The following ANKRD12 variants were observed in gnomAD, a reference collection of about 807,000 sequenced individuals.
ANKRD12 encodes the protein ankyrin repeat domain-containing protein 12.
ANKRD12 carries 85 observed loss-of-function variants against 183.4 expected under a neutral mutation model. The ratio of observed to expected loss-of-function variants is 0.46; its 90% CI spans 0.39 to 0.56. The LOEUF is 0.56. Ranked by LOEUF, ANKRD12 falls within the 20% of genes least tolerant of loss-of-function variation. ANKRD12 has a pLI of 0.00. For missense variants in ANKRD12, 2,405 were observed against 2,357.1 expected, an observed-to-expected ratio of 1.02 and a Z score of -0.42; for synonymous variants, 914 against 800.2, an observed-to-expected ratio of 1.14 and a Z score of -2.40.
intron 8 of ANKRD12, among the ~76,000 whole-genome samples, chr18:9,253,803 G>A (rs1184788609): frequency 2.0e-5 from 3 of 152,158 alleles, no homozygotes; most frequent in Admixed American, 6.5e-5. Context: ...AGAACAGTTT[G>A]GAGGTTCTCC....
Position 9,255,892 on chromosome 18 carries a change from G to A in ANKRD12, c.2625G>A (p.Ser875=), listed in dbSNP as rs752259363. The A allele has an allele frequency of 5.5e-5, 88 of 1,593,966 alleles. No individual in the cohort carries two copies. In the South Asian group the frequency reaches 9.6e-4, roughly 17 times the overall value. Residue 875 remains serine, a synonymous_variant, in exon 9 of 13, where the codon TCG becomes TCA. Coordinates refer to ENST00000262126, the MANE Select transcript of ANKRD12 (RefSeq NM_015208.5). ...TAAAAGAAAAGGACAAGCTATATTC[G>A]CATCACACAGAAAAATGCCATAAAG... ...DKIKEKDKLY[S]HHTEKCHKEG... is the part of the protein sequence containing the mutation.
At chr18:9,271,961 C>T (rs1361666579) in intron 10 of ANKRD12, among the ~76,000 whole-genome samples, 1 of 152,122 alleles carries the variant, frequency 6.6e-6, no homozygotes, top group South Asian at 2.1e-4. Context: ...GTCATTTTCC[C>T]CACAGAAAAT....
At chr18:9,203,659 C>T (rs1171080938) in intron 3 of ANKRD12, among the ~76,000 whole-genome samples, 1 of 151,970 alleles carries the variant, frequency 6.6e-6, no homozygotes, top group Non-Finnish European at 1.5e-5. Flanking sequence ...GGCTGGAGTA[C>T]AATGGCATGA....
In ANKRD12 at chr18:9,254,681, G is replaced by A; in HGVS notation, c.1414G>A (p.Val472Ile). The A allele has an allele frequency of 1.3e-6, 2 of 1,521,330 alleles. No individual in the cohort carries two copies. Among genetic ancestry groups the A allele is most frequent in the Non-Finnish European group, 1.8e-6 (2 of 1,136,738 alleles). The allele number at this position is 1,521,330 out of a possible 1,614,324, so 94.2% of individuals were successfully genotyped here. A position where few individuals can be genotyped will look rare whatever the true frequency, so the allele number is the denominator to read the frequency against. ...AGGTGAACACAAACAGAAAGGCAAA[G>A]TTAAAAGAAAATTGAAAAATCAGAA... ...VSGEHKQKGK[V>I]KRKLKNQNKN... The change falls in exon 9 of 13, where the codon GTT becomes ATT. Residue 472 changes from valine (V) to isoleucine (I), a missense_variant. Val to Ile is a conservative substitution (Grantham distance 29). Coordinates refer to ENST00000262126, the MANE Select transcript of ANKRD12 (RefSeq NM_015208.5).
intron 9 of ANKRD12, among the ~76,000 whole-genome samples, chr18:9,261,173 C>A (rs1765434062): frequency 6.6e-6 from 1 of 152,194 alleles, no homozygotes; most frequent in South Asian, 2.1e-4. Context: ...GGTGTCTGTT[C>A]ACACAGAGCA....
chr18:9,280,942 C>G lies in ANKRD12; in HGVS notation c.6005C>G (p.Thr2002Ser). The change falls in exon 13 of 13, where the codon ACC becomes AGC. Residue 2002 changes from threonine to serine, a missense_variant and splice_region_variant. By Grantham distance (58) the Thr-to-Ser change is moderately conservative (BLOSUM62 1). This residue lies in a region of ANKRD12 where 162 missense variants were observed against 272.2 expected (regional missense o/e 0.60). Transcript: ENST00000262126. ...DVDDKFDKLKTCLLMRQQHEA... is the reference protein window; with the variant it reads ...DVDDKFDKLKSCLLMRQQHEA... ...TAACTCTTCTCTTCTTTTAAATAGA[C>G]CTGTCTTTTAATGAGGCAACAACAT... 6.2e-7 allele frequency: 1 copy of G among 1,608,208 alleles called. No homozygotes were observed. The highest frequency in any genetic ancestry group is 8.5e-7 in the Non-Finnish European group (1 of 1,178,528).
chr18:9,232,949 AG>A (rs1191131574), intron 8 of ANKRD12, among the ~76,000 whole-genome samples: 1 of 152,028 alleles, frequency 6.6e-6, no homozygotes, highest in Admixed American at 6.5e-5. Context: ...TCCCAGGTCC[AG>A]GCAATTCTTG....
intron 1 of ANKRD12, among the ~76,000 whole-genome samples, chr18:9,179,977 A>G (rs553415648): frequency 2.6e-5 from 4 of 152,368 alleles, no homozygotes; most frequent in East Asian, 1.9e-4. Flanking sequence ...GTAAACATCA[A>G]TTAGAACCAA....
At position 9,275,668 on chromosome 18, in the gene ANKRD12, G is replaced by A; in HGVS notation, c.5907+1G>A. On this transcript the variant is annotated splice_donor_variant, in intron 11 of 12. Transcript: ENST00000262126. LOFTEE classifies it high-confidence loss of function. Reference sequence around the variant, plus strand: ...ATACAATGTACCATTGGACTCTCAGGTAAAATGTTTGTTGATACATTTAGA... The same window carrying A: ...ATACAATGTACCATTGGACTCTCAGATAAAATGTTTGTTGATACATTTAGA... 6.4e-7 allele frequency: 1 copy of A among 1,551,922 alleles called. No individual in the cohort carries two copies. Among genetic ancestry groups the A allele is most frequent in the Non-Finnish European group, 8.8e-7 (1 of 1,138,546 alleles).
At chr18:9,183,090 TG>T (rs1257196244) in intron 2 of ANKRD12, among the ~76,000 whole-genome samples, 8 of 152,340 alleles carry the variant, frequency 5.3e-5, no homozygotes, top group African/African-American at 1.9e-4. Flanking sequence ...GCCATCATTG[TG>T]GAAAGGTCTT....
At chr18:9,262,896 T>G (rs1159146254) in intron 9 of ANKRD12, among the ~76,000 whole-genome samples, 1 of 146,406 alleles carries the variant, frequency 6.8e-6, no homozygotes, top group Non-Finnish European at 1.5e-5. Context: ...CCTCCTGAGT[T>G]CAAGCAATTT....
intron 1 of ANKRD12, among the ~76,000 whole-genome samples, chr18:9,172,127 G>A (rs1408692106): frequency 6.6e-6 from 1 of 150,430 alleles, no homozygotes; most frequent in Non-Finnish European, 1.5e-5. Flanking sequence ...GTTTCCCTTT[G>A]TAGGTGGCCT....
chr18:9,146,645 T>C (rs957498509), intron 1 of ANKRD12, among the ~76,000 whole-genome samples: 6 of 152,264 alleles, frequency 3.9e-5, no homozygotes, highest in African/African-American at 1.4e-4. Context: ...GTGAAATTAC[T>C]CTGTTCTGGT....
Position 9,255,184 on chromosome 18 carries a change from A to G in ANKRD12, c.1917A>G (p.Thr639=), listed in dbSNP as rs770069259. The change falls in exon 9 of 13, where the codon ACA becomes ACG. Residue 639 remains threonine, a synonymous_variant. Coordinates refer to ENST00000262126, the MANE Select transcript of ANKRD12 (RefSeq NM_015208.5). The stretch of plus-strand genomic sequence containing the variant: ...CAACATTTGAAAATTCAGATTGCAC[A>G]CTGAAAAAAATGGATAAAGAAGGTA... ...HSPTFENSDC[T]LKKMDKEGKT... is the part of the protein sequence containing the mutation. The G allele has an allele frequency of 1.1e-5, 18 of 1,586,304 alleles. 1 individual carries two copies. The South Asian group carries it at 1.9e-4, about 17-fold the overall frequency.
intron 8 of ANKRD12, among the ~76,000 whole-genome samples, chr18:9,223,571 G>C (rs892608554): frequency 1.3e-5 from 2 of 152,142 alleles, no homozygotes; most frequent in Non-Finnish European, 2.9e-5. Context: ...TAATTTTGTG[G>C]TAATAAAAGC....
At chr18:9,157,768 A>G (rs1052002018) in intron 1 of ANKRD12, among the ~76,000 whole-genome samples, 24 of 151,948 alleles carry the variant, frequency 1.6e-4, no homozygotes, top group African/African-American at 5.6e-4. Flanking sequence ...TGCAACAAAA[A>G]TGACAGCATC....
chr18:9,257,406 A>G lies in ANKRD12; in HGVS notation c.4139A>G (p.Lys1380Arg), dbSNP rs144999561. Residue 1380 changes from lysine to arginine, a missense_variant, in exon 9 of 13, where the codon AAG becomes AGG. Lys to Arg is a conservative substitution (Grantham distance 26). Coordinates refer to ENST00000262126, the MANE Select transcript of ANKRD12 (RefSeq NM_015208.5). ...ATSPTGASNS[K>R]YVSADRNLIK... ...TCTCCAACTGGAGCTTCAAACAGCA[A>G]GTATGTTTCAGCTGATAGAAATCTC... The G allele has an allele frequency of 1.9e-6, 3 of 1,614,158 alleles. No individual in the cohort carries two copies. The highest frequency in any genetic ancestry group is 3.3e-5 in the Admixed American group (2 of 60,006).
chr18:9,161,520 C>T (rs1165166671), intron 1 of ANKRD12, among the ~76,000 whole-genome samples: 7 of 151,686 alleles, frequency 4.6e-5, no homozygotes, highest in East Asian at 3.9e-4. Flanking sequence ...GGACCACAGG[C>T]GCCCGCCACC....
rs774026584 is a variant in ANKRD12, at chr18:9,255,654, C to T, written c.2387C>T (p.Ser796Phe). 6.3e-7 allele frequency: 1 copy of T among 1,585,420 alleles called. No homozygotes were observed. The highest frequency in any genetic ancestry group is 1.2e-5 in the South Asian group (1 of 84,106). Residue 796 changes from serine (S) to phenylalanine (F), a missense_variant, in exon 9 of 13, where the codon TCT becomes TTT. Transcript: ENST00000262126. The stretch of plus-strand genomic sequence containing the variant: ...TTGGGTATGAGTGCCATTGAGGAAT[C>T]TATAGGGCTTCATTTAGTGGAAAAG... ...TSLGMSAIEE[S>F]IGLHLVEKEI...
Sources: allele counts gnomAD v4.1 joint callset (sites outside exome capture counted in the v4.1 genomes callset), GRCh38; gene constraint gnomAD v4.1.1; regional missense constraint gnomAD v4.1.1; transcripts MANE v1.5; gene names NCBI Gene and HGNC (gene_info 2026-07-23, HGNC 2026-07-21).